Variants in MARK4 observed in about 807,000 individuals in gnomAD.
The protein encoded by MARK4 is microtubule affinity regulating kinase 4.
A neutral mutation model predicts 81.5 loss-of-function variants in MARK4; 19 were observed. That is an observed-to-expected ratio of 0.23 (90% CI 0.16 to 0.34). The LOEUF (loss-of-function observed/expected upper bound fraction) is 0.34. MARK4 is among the 10% of genes least tolerant of loss of function. The probability of loss-of-function intolerance (pLI) is 1.00; values close to 1 mark genes in which losing one functional copy is unlikely to be tolerated. For missense variants in MARK4, 772 were observed against 1,058.8 expected (o/e 0.73, Z 3.76); for synonymous variants, 436 against 439.0 (o/e 0.99, Z 0.08).
intron 13 of MARK4, among the ~76,000 whole-genome samples, chr19:45,294,009 G>T (rs2123102991): frequency 6.6e-6 from 1 of 152,308 alleles, no homozygotes; most frequent in South Asian, 2.1e-4. Flanking sequence ...AAGTACATTA[G>T]CAAACGTTTG....
At chr19:45,287,870 AGTGTTCT>A (rs1568500842) in intron 13 of MARK4, 1 of 644,468 alleles carries the variant, frequency 1.6e-6, no homozygotes, top group Admixed American at 2.4e-5. Flanking sequence ...CGTATAAATT[AGTGTTCT>A]GTGTCAAAGA....
chr19:45,281,848 G>A (rs1201137828), intron 12 of MARK4, among the ~76,000 whole-genome samples: 1 of 152,200 alleles, frequency 6.6e-6, no homozygotes, highest in Non-Finnish European at 1.5e-5. Context: ...GGAGGCTCTG[G>A]AAGAGAGCTG....
rs1224773186 is a variant in MARK4, at chr19:45,280,638, A to C, written c.1180A>C (p.Thr394Pro). Residue 394 changes from threonine to proline, a missense_variant, in exon 12 of 17, where the codon ACC becomes CCC. Transcript: ENST00000262891. ...LARVRAPSDT[T>P]NGTSSSKGTS... ...ACGGGTGCGGGCGCCCAGCGACACC[A>C]CCAACGGAACAAGTTCCAGCAAAGG... 1 of 1,614,014 alleles carries C rather than the reference A, an allele frequency of 6.2e-7. No homozygotes were observed. Among genetic ancestry groups the C allele is most frequent in the Non-Finnish European group, 8.5e-7 (1 of 1,180,004 alleles).
chr19:45,295,389 T>G (rs1470525387), intron 14 of MARK4, among the ~76,000 whole-genome samples: 5 of 151,442 alleles, frequency 3.3e-5, no homozygotes, highest in Admixed American at 2.0e-4. Flanking sequence ...CTGTGAATAC[T>G]CAGTTCTGAG....
chr19:45,297,891 C>T lies in MARK4; in HGVS notation c.1814C>T (p.Pro605Leu). The T allele has an allele frequency of 2.6e-6, 4 of 1,550,028 alleles. No homozygotes were observed. Among genetic ancestry groups the T allele is most frequent in the Non-Finnish European group, 3.5e-6 (4 of 1,146,760 alleles). The stretch of plus-strand genomic sequence containing the variant: ...CTGGCCCATGAGGCTGCACCCCTGC[C>T]CGCCGGGCGGCCCCGCCCCACCACC... Reference protein sequence around the residue: ...PTLAHEAAPLPAGRPRPTTNL... With the variant: ...PTLAHEAAPLLAGRPRPTTNL... Residue 605 changes from proline (P) to leucine (L), a missense_variant, in exon 15 of 17, where the codon CCC becomes CTC. Transcript: ENST00000262891.
At chr19:45,288,404 T>C (rs570243072) in intron 13 of MARK4, 1 of 151,698 alleles carries the variant, frequency 6.6e-6, no homozygotes, top group South Asian at 2.1e-4. Context: ...AATATAAAAA[T>C]CAGCTGGGCG....
At chr19:45,262,977 C>T in intron 2 of MARK4, 136 bp from the exon 3 acceptor site, 2 of 952,900 alleles carry the variant, frequency 2.1e-6, no homozygotes, top group Non-Finnish European at 3.2e-6. Flanking sequence ...GTTGACCAGG[C>T]TGGTCTCGAA....
At chr19:45,268,025 A>G (rs1970478150) in intron 7 of MARK4, among the ~76,000 whole-genome samples, 1 of 151,816 alleles carries the variant, frequency 6.6e-6, no homozygotes, top group Admixed American at 6.6e-5. Flanking sequence ...CAATCTCCTG[A>G]CCTTGGGTGA....
At chr19:45,259,299 TA>T in intron 2 of MARK4, 110 bp downstream of exon 2, 1 of 1,215,888 alleles carries the variant, frequency 8.2e-7, no homozygotes, top group South Asian at 1.4e-5. Context: ...TGGCCTCAGG[TA>T]AGTTCCCGAC....
chr19:45,295,167 G>A (rs1032912928), intron 14 of MARK4, among the ~76,000 whole-genome samples: 6 of 150,810 alleles, frequency 4.0e-5, no homozygotes, highest in African/African-American at 1.5e-4. Context: ...GGCTAACATG[G>A]TGACACCCCG....
chr19:45,277,711 A>AT (rs1268594740), intron 8 of MARK4, among the ~76,000 whole-genome samples: 12 of 151,162 alleles, frequency 7.9e-5, no homozygotes, highest in Non-Finnish European at 1.5e-4. Context: ...TGATGTTCCC[A>AT]TTTTATGGAC....
Position 45,294,362 on chromosome 19 carries a change from C to G in MARK4, c.1508C>G (p.Pro503Arg), listed in dbSNP as rs1424301162. The G allele has an allele frequency of 6.2e-7, 1 of 1,614,076 alleles. No individual in the cohort carries two copies. Among genetic ancestry groups the G allele is most frequent in the Admixed American group, 1.7e-5 (1 of 60,022 alleles). Residue 503 changes from proline (P) to arginine (R), a missense_variant, in exon 14 of 17, where the codon CCT becomes CGT. This residue lies in a region of MARK4 where 548 missense variants were observed against 624.3 expected (regional missense o/e 0.88). Transcript: ENST00000262891. ...TGTCTCCTGCAGAACAACCTCCCTC[C>G]TAGCATGATGACCCGCAGAAACACC... ...DSTSTPNNLP[P>R]SMMTRRNTYV...
intron 8 of MARK4, among the ~76,000 whole-genome samples, chr19:45,275,460 C>T (rs1048877603): frequency 3.3e-5 from 5 of 151,410 alleles, no homozygotes; most frequent in African/African-American, 9.7e-5. Context: ...ACTCCAGCTT[C>T]GGTGACAGAA....
chr19:45,287,804 T>A (rs1412070509), intron 13 of MARK4, 140 bp downstream of exon 13: 3 of 987,844 alleles, frequency 3.0e-6, no homozygotes, highest in Admixed American at 4.0e-5. Flanking sequence ...CAACAAACAT[T>A]TATCGAGTGC....
intron 13 of MARK4, among the ~76,000 whole-genome samples, chr19:45,291,050 G>A (rs180744479): frequency 1.3e-5 from 2 of 152,242 alleles, no homozygotes; most frequent in East Asian, 1.9e-4. Context: ...TGAGTATTCC[G>A]GATAAGTACA....
chr19:45,297,467 A>G (rs1970901217), intron 14 of MARK4, among the ~76,000 whole-genome samples: 1 of 152,154 alleles, frequency 6.6e-6, no homozygotes, highest in South Asian at 2.1e-4. Flanking sequence ...GGACAGTTTG[A>G]AGGAGGGGTA....
intron 12 of MARK4, among the ~76,000 whole-genome samples, chr19:45,283,928 T>C (rs1970709916): frequency 6.6e-6 from 1 of 152,164 alleles, no homozygotes; most frequent in Non-Finnish European, 1.5e-5. Context: ...CTGGGACAGG[T>C]ACTAGGCTGT....
chr19:45,263,378 A>T lies in MARK4; in HGVS notation c.355+11A>T, dbSNP rs2123037796. 1 of 1,614,024 alleles carries T rather than the reference A, an allele frequency of 6.2e-7. No individual in the cohort carries two copies. Among genetic ancestry groups the T allele is most frequent in the Non-Finnish European group, 8.5e-7 (1 of 1,179,980 alleles). On this transcript the variant is annotated intron_variant, in intron 4 of 16. Transcript: ENST00000262891. ...ACCACCCCAACATCGGTGAGGAGGGAATGGGAGCAGGGGCAGGCCACCAAC... is the reference window on the plus strand; with the variant it reads ...ACCACCCCAACATCGGTGAGGAGGGTATGGGAGCAGGGGCAGGCCACCAAC...
chr19:45,253,731 G>C (rs1970273347), intron 1 of MARK4, among the ~76,000 whole-genome samples: 1 of 152,160 alleles, frequency 6.6e-6, no homozygotes, highest in Admixed American at 6.5e-5. Flanking sequence ...CCAGCGACGT[G>C]ATGTGACTAA....
Sources: allele counts gnomAD v4.1 joint callset (sites outside exome capture counted in the v4.1 genomes callset), GRCh38; gene constraint gnomAD v4.1.1; regional missense constraint gnomAD v4.1.1; transcripts MANE v1.5; gene names NCBI Gene and HGNC (gene_info 2026-07-23, HGNC 2026-07-21).